The following WDR36 variants were observed in gnomAD, a reference collection of about 807,000 sequenced individuals.
WDR36 encodes WD repeat-containing protein 36.
A neutral mutation model predicts 112.7 loss-of-function variants in WDR36; 63 were observed. That is an observed-to-expected ratio of 0.56 (90% CI 0.46 to 0.69). The LOEUF (loss-of-function observed/expected upper bound fraction) is 0.69, where lower values mean the gene tolerates loss of function less well. WDR36 is among the 30% of genes least tolerant of loss of function. WDR36 has a pLI of 0.00. For synonymous variants in WDR36, 410 were observed against 362.2 expected (o/e 1.13, Z -1.50); for missense variants, 1,226 against 1,070.3 (o/e 1.15, Z -2.03).
chr5:111,093,578 A>C (rs1213300612), intron 1 of WDR36, among the ~76,000 whole-genome samples: 21 of 152,206 alleles, frequency 1.4e-4, no homozygotes, highest in Admixed American at 1.3e-3. Flanking sequence ...GAACCATATT[A>C]ATCATGTGAA....
chr5:111,125,890 C>T, intron 22 of WDR36, 95 bp downstream of exon 22: 2 of 1,294,146 alleles, frequency 1.5e-6, no homozygotes, highest in Admixed American at 1.7e-5. Flanking sequence ...TGCTGTATAT[C>T]CATCCTTTCC....
rs530506219 is a variant in WDR36 at position 111,125,715 on chromosome 5, T to G, written c.2458T>G (p.Phe820Val). ...CGGSIEVMQS[F>V]LKMIGMMLDR... The stretch of plus-strand genomic sequence containing the variant: ...TGGGTCCATAGAAGTTATGCAGAGC[T>G]TCTTGAAAATGATTGGGATGATGCT... Residue 820 changes from phenylalanine (F) to valine (V), a missense_variant, in exon 22 of 23, where the codon TTC becomes GTC. Physicochemically the swap from Phe to Val is conservative, Grantham distance 50 (BLOSUM62 -1). Coordinates refer to ENST00000513710, the MANE Select transcript of WDR36 (RefSeq NM_139281.3). 1 of 1,613,990 alleles carries G rather than the reference T, an allele frequency of 6.2e-7. No individual in the cohort carries two copies. Among genetic ancestry groups the G allele is most frequent in the South Asian group, 1.1e-5 (1 of 91,084 alleles).
At chr5:111,102,534 A>T in intron 6 of WDR36, 135 bp downstream of exon 6, 1 of 877,036 alleles carries the variant, frequency 1.1e-6, no homozygotes, top group South Asian at 1.5e-5. Flanking sequence ...TGTTAGCCTG[A>T]GGAAATAGTG....
intron 16 of WDR36, among the ~76,000 whole-genome samples, chr5:111,118,788 G>A (rs1228930889): frequency 1.3e-5 from 2 of 152,028 alleles, no homozygotes; most frequent in African/African-American, 4.8e-5. Context: ...CAGTTAGTCA[G>A]TCTAGTTAAT....
chr5:111,095,546 C>G (rs1321507828), intron 2 of WDR36, among the ~76,000 whole-genome samples: 1 of 152,128 alleles, frequency 6.6e-6, no homozygotes, highest in Non-Finnish European at 1.5e-5. Context: ...TGTTGATTAT[C>G]CTTAATCCAA....
chr5:111,092,600 G>A lies in WDR36; in HGVS notation c.144G>A (p.Lys48=). ...TCTATGTAACAACCTGCGTGGGCAA[G>A]AGTTTCCACACCTATGACGTGAGTG... ...RRFYVTTCVG[K]SFHTYDVQKL... The change falls in exon 1 of 23, where the codon AAG becomes AAA. Residue 48 remains lysine, a synonymous_variant. Coordinates refer to ENST00000513710, the MANE Select transcript of WDR36 (RefSeq NM_139281.3). 2 of 1,613,592 alleles carry A rather than the reference G, an allele frequency of 1.2e-6. No homozygotes were observed. Among genetic ancestry groups the A allele is most frequent in the Non-Finnish European group, 1.7e-6 (2 of 1,179,898 alleles).
chr5:111,098,156 C>T (rs1753034018), intron 3 of WDR36, among the ~76,000 whole-genome samples: 1 of 152,044 alleles, frequency 6.6e-6, no homozygotes, highest in East Asian at 1.9e-4. Context: ...TTGTTACCAC[C>T]CCTAAGGCCA....
chr5:111,094,881 T>C (rs773663485), intron 1 of WDR36, 39 bp from the exon 2 acceptor site: 2 of 1,510,046 alleles, frequency 1.3e-6, no homozygotes, highest in Admixed American at 1.8e-5. Context: ...ATGATTATGT[T>C]TGTTAATGAA....
In WDR36 at chr5:111,115,582, G is replaced by A. The variant is rs527917397; in HGVS notation, c.1796+2429G>A. Reference sequence around the variant, plus strand: ...TTTTAAGTATGAACTGATTTGCTTGGAAAAAAAAAACATAATTAGTATGAC... The same window carrying A: ...TTTTAAGTATGAACTGATTTGCTTGAAAAAAAAAAACATAATTAGTATGAC... On this transcript the variant is annotated intron_variant, in intron 16 of 22. Transcript: ENST00000513710. Among the ~76,000 whole-genome samples, 91 of 146,684 alleles carry A rather than the reference G, an allele frequency of 6.2e-4. 1 individual carries two copies. Among genetic ancestry groups the A allele is most frequent in the African/African-American group, 2.0e-3 (80 of 40,108 alleles).
Position 111,126,827 on chromosome 5 carries a change from T to A in WDR36, c.2632T>A (p.Ser878Thr). 8 of 1,613,616 alleles carry A rather than the reference T, an allele frequency of 5.0e-6. No homozygotes were observed. The highest frequency in any genetic ancestry group is 5.9e-6 in the Non-Finnish European group (7 of 1,179,792). ...QVEENWTHLQ[S>T]LFNQSMCILN... is the part of the protein sequence containing the mutation. Reference sequence around the variant, plus strand: ...GGAAGAAAACTGGACCCATTTGCAATCACTCTTCAATCAAAGCATGTGTAT... The same window carrying A: ...GGAAGAAAACTGGACCCATTTGCAAACACTCTTCAATCAAAGCATGTGTAT... The change falls in exon 23 of 23, where the codon TCA (serine) becomes ACA (threonine). Residue 878 changes from serine to threonine, a missense_variant. Transcript: ENST00000513710.
At chr5:111,120,971 G>A in intron 18 of WDR36, 25 bp from the exon 19 acceptor site, 1 of 1,595,304 alleles carries the variant, frequency 6.3e-7, no homozygotes, top group Non-Finnish European at 8.6e-7. Context: ...AAAATCTTTT[G>A]TTTTACCTGA....
chr5:111,116,886 T>G (rs1753467105), intron 16 of WDR36, among the ~76,000 whole-genome samples: 1 of 152,222 alleles, frequency 6.6e-6, no homozygotes, highest in African/African-American at 2.4e-5. Flanking sequence ...AGATAGTACC[T>G]AAACATGTTA....
At chr5:111,095,665 G>T (rs1752961045) in intron 2 of WDR36, among the ~76,000 whole-genome samples, 1 of 152,090 alleles carries the variant, frequency 6.6e-6, no homozygotes, top group South Asian at 2.1e-4. Flanking sequence ...TTCAGATTAG[G>T]AACATTCACC....
chr5:111,121,149 T>C lies in WDR36; in HGVS notation c.2148+8T>C. 1 of 1,613,266 alleles carries C rather than the reference T, an allele frequency of 6.2e-7. No individual in the cohort carries two copies. The highest frequency in any genetic ancestry group is 8.5e-7 in the Non-Finnish European group (1 of 1,179,416). On this transcript the variant is annotated splice_region_variant and intron_variant, in intron 19 of 22. Coordinates refer to ENST00000513710, the MANE Select transcript of WDR36 (RefSeq NM_139281.3). ...AACCTTGATGTTATTAAGGTAATAA[T>C]TAACATTCTTTATAGACCCTAAGCA... is the stretch of plus-strand genomic sequence containing the variant.
At chr5:111,107,851 T>C (rs185736736) in intron 12 of WDR36, among the ~76,000 whole-genome samples, 59 of 151,590 alleles carry the variant, frequency 3.9e-4, no homozygotes, top group South Asian at 1.7e-3. Context: ...TGTATGTCTG[T>C]TCTTATACCA....
chr5:111,110,052 A>G (rs894108339), intron 12 of WDR36, 137 bp from the exon 13 acceptor site: 1 of 673,502 alleles, frequency 1.5e-6, no homozygotes, highest in Non-Finnish European at 2.6e-6. Flanking sequence ...TTTATGTTAA[A>G]AAAACTAATG....
chr5:111,099,451 GTTTTTTTTTTTGT>G (rs1753069142), intron 4 of WDR36, among the ~76,000 whole-genome samples: 2 of 55,640 alleles, frequency 3.6e-5, no homozygotes, highest in Non-Finnish European at 8.0e-5. Flanking sequence ...GTTTTTTTTT[GTTTTTTTTTTTGT>G]TTTTTTTTTT....
At position 111,128,428 on chromosome 5, in the gene WDR36, C is replaced by T. The variant is rs1753719126; in HGVS notation, c.*1545C>T. 1 of 181,706 alleles carries T rather than the reference C, an allele frequency of 5.5e-6. No homozygotes were observed. Among genetic ancestry groups the T allele is most frequent in the African/African-American group, 2.4e-5 (1 of 42,522 alleles). The allele number at this position is 181,706 out of a possible 1,614,324, so 11.3% of individuals were successfully genotyped here. ...AGAAATGTGTATTGACTTATTAAAG[C>T]CACTGACAGAAATGTTAATCATGAC... On this transcript the variant is annotated 3_prime_UTR_variant, in exon 23 of 23. Transcript: ENST00000513710.
chr5:111,104,815 C>A lies in WDR36; in HGVS notation c.1025C>A (p.Ala342Glu). 1 of 1,610,796 alleles carries A rather than the reference C, an allele frequency of 6.2e-7. No homozygotes were observed. The highest frequency in any genetic ancestry group is 8.5e-7 in the Non-Finnish European group (1 of 1,177,548). Residue 342 changes from alanine to glutamate, a missense_variant and splice_region_variant, in exon 9 of 23, where the codon GCA becomes GAA. By Grantham distance (107) the Ala-to-Glu change is moderately radical. Transcript: ENST00000513710. ...CAGAATGGACAGCAGATTCTAAGTG[C>A]AAGTGAGCTTCTGCTTCATACTATT... ...YGQNGQQILS[A>E]SQDGTLQSFS...
Sources: gnomAD v4.1 joint callset for allele counts (sites outside exome capture counted in the v4.1 genomes callset) on GRCh38, gnomAD v4.1.1 for gene constraint, MANE v1.5 for transcripts, NCBI Gene and HGNC (gene_info 2026-07-23, HGNC 2026-07-21) for gene names.